The following SYMPK variants were observed in gnomAD, a reference collection of about 807,000 sequenced individuals.
SYMPK encodes symplekin scaffold protein, also known as symplekin.
A neutral mutation model predicts 136.4 loss-of-function variants in SYMPK; 49 were observed. The observed-to-expected ratio is 0.36, with a 90% CI of 0.29 to 0.46. The LOEUF (loss-of-function observed/expected upper bound fraction) is 0.46, where lower values mean the gene tolerates loss of function less well. Ranked by LOEUF, SYMPK falls within the 20% of genes least tolerant of loss-of-function variation. The pLI, the probability that SYMPK is intolerant of heterozygous loss-of-function variation, is 1.00. For synonymous variants in SYMPK, 766 were observed against 713.0 expected (o/e 1.07, Z -1.19); for missense variants, 1,365 against 1,690.0 (o/e 0.81, Z 3.37).
intron 1 of SYMPK, among the ~76,000 whole-genome samples, chr19:45,857,096 C>A (rs957252568): frequency 3.3e-5 from 5 of 151,492 alleles, no homozygotes; most frequent in African/African-American, 9.7e-5. Flanking sequence ...CCAGCCTGGA[C>A]GAGAATGAGA....
intron 1 of SYMPK, among the ~76,000 whole-genome samples, chr19:45,858,708 T>A (rs1315062980): frequency 6.6e-6 from 1 of 151,946 alleles, no homozygotes. Flanking sequence ...AGAGACGGGG[T>A]TTCTCCATGT....
chr19:45,850,704 C>A (rs1203354058), intron 5 of SYMPK, among the ~76,000 whole-genome samples: 1 of 152,142 alleles, frequency 6.6e-6, no homozygotes. Flanking sequence ...ACGTAGTCAG[C>A]CCCTACTAGG....
In SYMPK at chr19:45,854,375, T is replaced by A; in HGVS notation, c.105+16A>T. 1.9e-6 allele frequency: 3 copies of A among 1,613,066 alleles called. No individual in the cohort carries two copies. Among genetic ancestry groups the A allele is most frequent in the Non-Finnish European group, 1.7e-6 (2 of 1,179,154 alleles). On this transcript the variant is annotated intron_variant, in intron 2 of 26. Coordinates refer to ENST00000245934, the MANE Select transcript of SYMPK (RefSeq NM_004819.3). ...GGCTATGCTTCCTCACTCCAAGCCCTACCCGCCACGCTCACCCTCTCTGAG... is the reference window on the plus strand; with the variant it reads ...GGCTATGCTTCCTCACTCCAAGCCCAACCCGCCACGCTCACCCTCTCTGAG...
At chr19:45,853,365 C>T (rs927897302) in intron 3 of SYMPK, among the ~76,000 whole-genome samples, 2 of 152,174 alleles carry the variant, frequency 1.3e-5, no homozygotes, top group African/African-American at 2.4e-5. Flanking sequence ...TGGCTGGGCA[C>T]GGTGGCTCGT....
chr19:45,860,672 G>A (rs1213312854), intron 1 of SYMPK, among the ~76,000 whole-genome samples: 2 of 152,056 alleles, frequency 1.3e-5, no homozygotes, highest in Non-Finnish European at 2.9e-5. Flanking sequence ...GAGACAGGGT[G>A]TCACTCTGTT....
chr19:45,842,219 C>G (rs367710142), intron 9 of SYMPK, 31 bp downstream of exon 9: 1 of 1,612,728 alleles, frequency 6.2e-7, no homozygotes, highest in African/African-American at 1.3e-5. Flanking sequence ...TCAGCATGGT[C>G]TGCCTGCCCC....
intron 20 of SYMPK, 131 bp downstream of exon 20, chr19:45,823,241 C>A (rs1970951523): frequency 1.1e-6 from 1 of 923,352 alleles, no homozygotes; most frequent in Admixed American, 1.9e-5. Context: ...GACTTCTGAC[C>A]ACAGGCAAGG....
rs530141775 is a variant in SYMPK at position 45,829,259 on chromosome 19, C to T, written c.1750-54G>A. 253 of 1,482,304 alleles carry T rather than the reference C, an allele frequency of 1.7e-4. No individual in the cohort carries two copies. The African/African-American group carries it at 2.1e-3, about 12-fold the overall frequency. 91.8% of individuals were successfully genotyped at this position (1,482,304 alleles called of 1,614,324 possible). A position where few individuals can be genotyped will look rare whatever the true frequency, so the allele number is the denominator to read the frequency against. ...TGTAGGGTGGGCAATCCAGGGACTC[C>T]GCAATCGTGCCCTGCGACTTCTCCC... On this transcript the variant is annotated intron_variant, in intron 13 of 26. Transcript: ENST00000245934.
At chr19:45,840,860 A>G (rs1377716124) in intron 9 of SYMPK, among the ~76,000 whole-genome samples, 1 of 152,102 alleles carries the variant, frequency 6.6e-6, no homozygotes, top group South Asian at 2.1e-4. Context: ...AGGATGAGGT[A>G]GATTTCTATA....
At chr19:45,847,189 C>T (rs1420495700) in intron 7 of SYMPK, among the ~76,000 whole-genome samples, 3 of 151,758 alleles carry the variant, frequency 2.0e-5, no homozygotes, top group African/African-American at 7.3e-5. Flanking sequence ...GAGGCCAAGG[C>T]GGGCGGATCA....
intron 7 of SYMPK, among the ~76,000 whole-genome samples, chr19:45,845,412 T>G (rs1486986572): frequency 6.6e-6 from 1 of 152,194 alleles, no homozygotes; most frequent in Non-Finnish European, 1.5e-5. Context: ...TGAGTTCAAT[T>G]GTTTTCATTT....
intron 1 of SYMPK, 64 bp from the exon 2 acceptor site, chr19:45,854,571 T>A (rs562587819): frequency 1.5e-6 from 2 of 1,378,756 alleles, no homozygotes; most frequent in South Asian, 2.4e-5. Flanking sequence ...CTGGGCTGGA[T>A]TGTCACCCGA....
intron 26 of SYMPK, 59 bp downstream of exon 26, chr19:45,815,792 C>G: frequency 6.3e-7 from 1 of 1,590,734 alleles, no homozygotes; most frequent in Non-Finnish European, 8.6e-7. Context: ...CCTCCTCCCC[C>G]ACCTTCACCC....
intron 1 of SYMPK, among the ~76,000 whole-genome samples, chr19:45,859,433 G>C: frequency 6.6e-6 from 1 of 150,780 alleles, no homozygotes; most frequent in African/African-American, 2.4e-5. Context: ...CCCAGTCTCT[G>C]CTAAAAATAC....
chr19:45,857,480 A>G (rs1262086662), intron 1 of SYMPK, among the ~76,000 whole-genome samples: 2 of 148,406 alleles, frequency 1.3e-5, no homozygotes, highest in African/African-American at 2.5e-5. Flanking sequence ...TAATCTGAGG[A>G]CGGTGAAAAT....
intron 5 of SYMPK, among the ~76,000 whole-genome samples, chr19:45,849,230 T>C (rs1407675274): frequency 6.6e-6 from 1 of 152,212 alleles, no homozygotes; most frequent in East Asian, 1.9e-4. Flanking sequence ...ACAATACTTG[T>C]AAAGTGCTTA....
At chr19:45,845,540 T>C (rs1245479242) in intron 7 of SYMPK, among the ~76,000 whole-genome samples, 3 of 152,170 alleles carry the variant, frequency 2.0e-5, no homozygotes, top group African/African-American at 7.2e-5. Flanking sequence ...CCTTCTTTTT[T>C]ATGGCTGAAT....
At chr19:45,849,484 A>T (rs1971647104) in intron 5 of SYMPK, among the ~76,000 whole-genome samples, 1 of 152,250 alleles carries the variant, frequency 6.6e-6, no homozygotes, top group African/African-American at 2.4e-5. Context: ...AGCTCAGCAC[A>T]GAATTTTCAC....
intron 10 of SYMPK, 148 bp downstream of exon 10, chr19:45,838,313 G>A (rs1971354983): frequency 2.0e-6 from 2 of 1,000,704 alleles, no homozygotes; most frequent in South Asian, 3.6e-5. Flanking sequence ...TATACAGCCT[G>A]CAGAACTGTA....
Sources: allele counts gnomAD v4.1 joint callset (sites outside exome capture counted in the v4.1 genomes callset), GRCh38; gene constraint gnomAD v4.1.1; transcripts MANE v1.5; gene names NCBI Gene and HGNC (gene_info 2026-07-23, HGNC 2026-07-21).